Variants in NKX2-2 observed in about 807,000 individuals in gnomAD.
NKX2-2 encodes the protein homeobox protein Nkx-2.2.
Under a neutral mutation model 24.6 loss-of-function variants are expected in NKX2-2, and 8 were observed. The ratio of observed to expected loss-of-function variants is 0.32; its 90% CI spans 0.19 to 0.59. The LOEUF is 0.59. Ranked by LOEUF, NKX2-2 falls within the 20% of genes least tolerant of loss-of-function variation. NKX2-2 has a pLI of 0.86. For missense variants in NKX2-2, 381 were observed against 373.9 expected, an observed-to-expected ratio of 1.02 and a Z score of -0.16; for synonymous variants, 217 against 173.3, an observed-to-expected ratio of 1.25 and a Z score of -1.98.
chr20:21,513,908 A>G lies in NKX2-2; in HGVS notation c.-239T>C, dbSNP rs1401234153. ...GCCTCTCTCTGTCTTCTTTGAAAGC[A>G]CGCGGAAATGGACGCAGGAAGCCGG... On this transcript the variant is annotated 5_prime_UTR_variant, in exon 1 of 2. Transcript: ENST00000377142. This position sits in a 1 kb window ranked among gnomAD's most constrained non-coding sequence, Gnocchi z 4.6. 3.2e-6 allele frequency: 1 copy of G among 317,258 alleles called. No homozygotes were observed. Among genetic ancestry groups the G allele is most frequent in the Non-Finnish European group, 5.7e-6 (1 of 176,156 alleles). 19.7% of individuals were successfully genotyped at this position (317,258 alleles called of 1,614,324 possible).
At chr20:21,515,982 G>A (rs1438718272), upstream of NKX2-2, among the ~76,000 whole-genome samples, 2 of 152,214 alleles carry the variant, frequency 1.3e-5, no homozygotes, top group Non-Finnish European at 2.9e-5. Flanking sequence ...GTCGGACCCG[G>A]GCAAACACAA....
rs1467226425 is a variant in NKX2-2, at chr20:21,511,202, G to C, written c.*721C>G. On this transcript the variant is annotated 3_prime_UTR_variant, in exon 2 of 2. Coordinates refer to ENST00000377142, the MANE Select transcript of NKX2-2 (RefSeq NM_002509.4). ...GTTTTCTTTTCCATATTTGAGAAAT[G>C]TTTGCACAATAAAATAAAAAGAGAA... The C allele has an allele frequency of 1.3e-5, 2 of 152,464 alleles. No homozygotes were observed. Among genetic ancestry groups the C allele is most frequent in the Non-Finnish European group, 2.9e-5 (2 of 67,996 alleles). 9.4% of individuals were successfully genotyped at this position (152,464 alleles called of 1,614,324 possible). A position where few individuals can be genotyped will look rare whatever the true frequency, so the allele number is the denominator to read the frequency against.
chr20:21,513,637 C>A lies in NKX2-2; in HGVS notation c.33G>T (p.Ser11=), dbSNP rs139958556. 93 of 1,594,582 alleles carry A rather than the reference C, an allele frequency of 5.8e-5. No homozygotes were observed. In the African/African-American group the frequency reaches 1.1e-3, roughly 20 times the overall value. The change falls in exon 1 of 2, where the codon TCG becomes TCT. Residue 11 remains serine, a synonymous_variant. Coordinates refer to ENST00000377142, the MANE Select transcript of NKX2-2 (RefSeq NM_002509.4). This position sits in a 1 kb window ranked among gnomAD's most constrained non-coding sequence, Gnocchi z 4.6. MSLTNTKTGF[S]VKDILDLPDT... ...CCGGCAGGTCTAAGATGTCCTTGAC[C>A]GAAAACCCCGTCTTTGTGTTGGTCA...
chr20:21,515,638 C>T (rs1026435806), upstream of NKX2-2, among the ~76,000 whole-genome samples: 1 of 150,238 alleles, frequency 6.7e-6, no homozygotes, highest in South Asian at 2.1e-4. Context: ...ACCTGATGCT[C>T]GTTCGCCCCA....
At chr20:21,522,319 C>G in the NKX2-2 span, among the ~76,000 whole-genome samples, 1 of 152,106 alleles carries the variant, frequency 6.6e-6, no homozygotes, top group Admixed American at 6.5e-5. Flanking sequence ...CGGCGCCGCT[C>G]GGCGGCGACG....
Position 21,513,019 on chromosome 20 carries a change from C to A in NKX2-2, c.259+392G>T, listed in dbSNP as rs759947023. 6.6e-5 allele frequency among the ~76,000 whole-genome samples: 10 copies of A among 152,170 alleles called. No homozygotes were observed. The highest frequency in any genetic ancestry group is 1.3e-4 in the Non-Finnish European group (9 of 68,028). ...CCGGGCCACCCGAAGCCTCCCCACC[C>A]TCCACCCGTACCCGGACGAGGCTCG... On this transcript the variant is annotated intron_variant, in intron 1 of 1. Coordinates refer to ENST00000377142, the MANE Select transcript of NKX2-2 (RefSeq NM_002509.4). The surrounding 1 kb of genome is among the most constrained non-coding windows in gnomAD (Gnocchi z 4.6).
rs988474312 is a variant in NKX2-2, at chr20:21,511,697, G to C, written c.*226C>G. On this transcript the variant is annotated 3_prime_UTR_variant, in exon 2 of 2. Coordinates refer to ENST00000377142, the MANE Select transcript of NKX2-2 (RefSeq NM_002509.4). ...GGCGTAGAGTTCAGCCCTCTCCCAA[G>C]GTTCAGAAGGAGAGGCATGGGCAGA... The C allele has an allele frequency of 2.2e-5, 9 of 417,982 alleles. No homozygotes were observed. The highest frequency in any genetic ancestry group is 3.4e-5 in the Non-Finnish European group (8 of 238,392). The allele number at this position is 417,982 out of a possible 1,614,324, so 25.9% of individuals were successfully genotyped here.
chr20:21,512,470 G>T lies in NKX2-2; in HGVS notation c.275C>A (p.Ala92Asp). The T allele has an allele frequency of 6.4e-7, 1 of 1,574,046 alleles. No homozygotes were observed. The highest frequency in any genetic ancestry group is 8.6e-7 in the Non-Finnish European group (1 of 1,168,620). ...GLQYSLHGLA[A>D]GAPPQDSSSK... ...GCTTGAGTCCTGAGGGGGCGCCCCG[G>T]CAGCCAGACCGTGCACTGGGGGGAG... Residue 92 changes from alanine to aspartate, a missense_variant, in exon 2 of 2, where the codon GCC (alanine) becomes GAC (aspartate). Physicochemically the swap from Ala to Asp is moderately radical, Grantham distance 126. Around this residue, in one of 3 missense-constraint regions of NKX2-2, gnomAD observed 206 missense variants for 173.1 expected, o/e 1.19. Transcript: ENST00000377142.
chr20:21,519,516 A>T, the NKX2-2 span, among the ~76,000 whole-genome samples: 25 of 152,220 alleles, frequency 1.6e-4, no homozygotes, highest in East Asian at 4.8e-3. Flanking sequence ...GGGAAGGAAA[A>T]TGTCACCCAA....
At chr20:21,516,762 G>T (rs1980650641), upstream of NKX2-2, among the ~76,000 whole-genome samples, 1 of 152,124 alleles carries the variant, frequency 6.6e-6, no homozygotes, top group Non-Finnish European at 1.5e-5. Flanking sequence ...CTTGGGTCAG[G>T]TGGCAAAGGG....
At chr20:21,519,844 C>A in the NKX2-2 span, among the ~76,000 whole-genome samples, 1 of 152,058 alleles carries the variant, frequency 6.6e-6, no homozygotes. Flanking sequence ...GTTGGGGAGG[C>A]CTAAAGCTGT....
upstream of NKX2-2, among the ~76,000 whole-genome samples, chr20:21,518,563 G>A (rs1394667867): frequency 6.6e-6 from 1 of 152,196 alleles, no homozygotes; most frequent in Non-Finnish European, 1.5e-5. Flanking sequence ...ATGTACACAG[G>A]CTAAGTGGCC....
chr20:21,514,878 C>G (rs923854324), upstream of NKX2-2, among the ~76,000 whole-genome samples: 2 of 152,182 alleles, frequency 1.3e-5, no homozygotes, highest in East Asian at 1.9e-4. Flanking sequence ...CGCTCCGGGC[C>G]GGCCAGAGCC....
upstream of NKX2-2, among the ~76,000 whole-genome samples, chr20:21,514,980 C>T (rs1235407816): frequency 6.6e-6 from 1 of 151,808 alleles, no homozygotes; most frequent in African/African-American, 2.4e-5. Flanking sequence ...CTCCCACCCC[C>T]AACCCCCCGC....
upstream of NKX2-2, among the ~76,000 whole-genome samples, chr20:21,519,018 G>A (rs1303917456): frequency 6.6e-6 from 1 of 152,270 alleles, no homozygotes; most frequent in African/African-American, 2.4e-5. Context: ...GAAAGTCTTC[G>A]GGGGTAGGGG....
upstream of NKX2-2, among the ~76,000 whole-genome samples, chr20:21,518,422 CCCTGGAAGCTAGAGG>C (rs1033961823): frequency 4.6e-5 from 7 of 152,176 alleles, no homozygotes; most frequent in African/African-American, 1.2e-4. Flanking sequence ...GAACCTGTGC[CCCTGGAAGCTAGAGG>C]AGAGCCTCGC....
chr20:21,522,268 G>T, the NKX2-2 span, among the ~76,000 whole-genome samples: 216 of 152,308 alleles, frequency 1.4e-3, 2 homozygotes, highest in Middle Eastern at 0.01. Context: ...ACCCGGGAGA[G>T]CGAGGGGCTC....
chr20:21,516,198 T>C (rs1324472921), upstream of NKX2-2, among the ~76,000 whole-genome samples: 1 of 152,192 alleles, frequency 6.6e-6, no homozygotes, highest in African/African-American at 2.4e-5. Context: ...CCCTTTTCAA[T>C]GGACTATCTC....
At chr20:21,518,973 C>T (rs908941801), upstream of NKX2-2, among the ~76,000 whole-genome samples, 1 of 152,122 alleles carries the variant, frequency 6.6e-6, no homozygotes, top group Non-Finnish European at 1.5e-5. Context: ...AGTGCAGGTA[C>T]CTGCCCCCTG....
Sources: allele counts gnomAD v4.1 joint callset (sites outside exome capture counted in the v4.1 genomes callset), GRCh38; gene constraint gnomAD v4.1.1; regional missense constraint gnomAD v4.1.1; non-coding constraint Gnocchi (gnomAD v3.1); transcripts MANE v1.5; gene names NCBI Gene and HGNC (gene_info 2026-07-23, HGNC 2026-07-21).